DCAF8L2: variants seen among roughly 807,000 people sequenced by gnomAD.
The protein encoded by DCAF8L2 is DDB1 and CUL4 associated factor 8 like 2, also known as DDB1- and CUL4-associated factor 8-like protein 2.
For missense variants in DCAF8L2, 430 were observed against 490.7 expected (o/e 0.88, Z 1.17); for synonymous variants, 200 against 190.9 (o/e 1.05, Z -0.39).
At chrX:27,608,698 CT>C (rs773443796) in intron 1 of DCAF8L2, among the ~76,000 whole-genome samples, 32 of 104,733 alleles carry the variant, frequency 3.1e-4, no homozygotes, top group Admixed American at 6.2e-4. Context: ...TCCTGAACAT[CT>C]TTTTTTTTTT....
intron 3 of DCAF8L2, among the ~76,000 whole-genome samples, chrX:27,694,040 T>A (rs761647609): frequency 1.2e-4 from 14 of 112,066 alleles, no homozygotes; most frequent in Non-Finnish European, 9.4e-5. Context: ...CAAAAAAGAA[T>A]GAAATCATGT....
At chrX:27,512,251 G>T in the DCAF8L2 span, among the ~76,000 whole-genome samples, 1 of 111,372 alleles carries the variant, frequency 9.0e-6, no homozygotes, top group South Asian at 3.8e-4. Flanking sequence ...ACCATAGGTG[G>T]CAGAGTGAGA....
rs776325370 is a variant in DCAF8L2, at chrX:27,748,914, A to G, written c.*123A>G. ...CTTTTTGTCTTCTATTTTCCATAAT[A>G]TATGCTGAAAACCGTCTCTTCCATT... is the stretch of plus-strand genomic sequence containing the variant. On this transcript the variant is annotated 3_prime_UTR_variant, in exon 5 of 5. Coordinates refer to ENST00000451261, the MANE Select transcript of DCAF8L2 (RefSeq NM_001353450.2). 2.3e-4 allele frequency: 194 copies of G among 849,972 alleles called. No homozygotes were observed. The highest frequency in any genetic ancestry group is 7.1e-5 in the Non-Finnish European group (45 of 630,225). 70.0% of individuals were successfully genotyped at this position (849,972 alleles called of 1,213,427 possible). A position where few individuals can be genotyped will look rare whatever the true frequency, so the allele number is the denominator to read the frequency against.
At chrX:27,738,831 T>C (rs1382008362) in intron 4 of DCAF8L2, among the ~76,000 whole-genome samples, 1 of 111,923 alleles carries the variant, frequency 8.9e-6, no homozygotes, top group Non-Finnish European at 1.9e-5. Flanking sequence ...TCATTCATAG[T>C]TGATTTCCTT....
intron 4 of DCAF8L2, among the ~76,000 whole-genome samples, chrX:27,731,354 T>C (rs776274312): frequency 3.6e-5 from 4 of 111,013 alleles, no homozygotes; most frequent in African/African-American, 1.3e-4. Context: ...TGAGCCGAGA[T>C]TGCACCACTG....
the DCAF8L2 span, among the ~76,000 whole-genome samples, chrX:27,502,314 C>A: frequency 4.1e-5 from 1 of 24,284 alleles, no homozygotes; most frequent in Non-Finnish European, 7.0e-5. Context: ...GAGTGAAACT[C>A]TGTAAAAAAA....
chrX:27,598,301 G>A (rs1342833727), intron 1 of DCAF8L2, among the ~76,000 whole-genome samples: 2 of 112,404 alleles, frequency 1.8e-5, no homozygotes, highest in Non-Finnish European at 1.9e-5. Flanking sequence ...TAAGTATAAT[G>A]GTCGAAAAAT....
At chrX:27,613,243 T>A (rs1036820587) in intron 1 of DCAF8L2, among the ~76,000 whole-genome samples, 2 of 111,441 alleles carry the variant, frequency 1.8e-5, no homozygotes, top group African/African-American at 6.5e-5. Flanking sequence ...ATGATTTGGC[T>A]CTCTGTTTGT....
chrX:27,721,153 A>C (rs1931889122), intron 4 of DCAF8L2, among the ~76,000 whole-genome samples: 1 of 111,675 alleles, frequency 9.0e-6, no homozygotes, highest in Non-Finnish European at 1.9e-5. Context: ...TTTTTCAATC[A>C]AATTGTAGGC....
chrX:27,618,694 C>T (rs1244366988), intron 1 of DCAF8L2, among the ~76,000 whole-genome samples: 1 of 110,998 alleles, frequency 9.0e-6, no homozygotes, highest in African/African-American at 3.3e-5. Context: ...TTTGAACCCC[C>T]ATGCGCCCTC....
the DCAF8L2 span, among the ~76,000 whole-genome samples, chrX:27,529,618 T>G: frequency 9.0e-6 from 1 of 111,702 alleles, no homozygotes; most frequent in Non-Finnish European, 1.9e-5. Flanking sequence ...GGTTGAAAAG[T>G]CAAGTGATTC....
chrX:27,518,201 A>G, the DCAF8L2 span: 2 of 908,113 alleles, frequency 2.2e-6, no homozygotes, highest in Admixed American at 2.2e-5. Context: ...TTGGCTTCCT[A>G]TGCTGTCCAA....
chrX:27,648,312 A>G (rs1164878661), intron 2 of DCAF8L2, among the ~76,000 whole-genome samples: 1 of 110,545 alleles, frequency 9.0e-6, no homozygotes, highest in Non-Finnish European at 1.9e-5. Flanking sequence ...TATACAAAAT[A>G]ATATTCTATG....
chrX:27,649,853 G>A lies in DCAF8L2; in HGVS notation c.-220+17853G>A, dbSNP rs141137776. On this transcript the variant is annotated intron_variant, in intron 2 of 4. Transcript: ENST00000451261. Reference sequence around the variant, plus strand: ...GTTTTTGTTTGCAATTGCTTTTGAGGACTTAGTCATATATTCTTTCCCAAG... The same window carrying A: ...GTTTTTGTTTGCAATTGCTTTTGAGAACTTAGTCATATATTCTTTCCCAAG... Among the ~76,000 whole-genome samples, 96 of 111,564 alleles carry A rather than the reference G, an allele frequency of 8.6e-4. 1 individual carries two copies. The East Asian group carries it at 0.023, about 27-fold the overall frequency.
chrX:27,631,746 A>G (rs1928299211), intron 1 of DCAF8L2, 133 bp from the exon 2 acceptor site: 2 of 112,136 alleles, frequency 1.8e-5, no homozygotes, highest in African/African-American at 6.5e-5. Context: ...ACTTATCCCT[A>G]CAGTGGTTAT....
At chrX:27,577,930 T>A in the DCAF8L2 span, among the ~76,000 whole-genome samples, 1 of 111,833 alleles carries the variant, frequency 8.9e-6, no homozygotes, top group African/African-American at 3.2e-5. Flanking sequence ...ACATTCCATG[T>A]TCATGGATAG....
chrX:27,483,034 A>C, the DCAF8L2 span, among the ~76,000 whole-genome samples: 3 of 111,807 alleles, frequency 2.7e-5, no homozygotes, highest in Non-Finnish European at 5.6e-5. Flanking sequence ...AATAGCTGTC[A>C]TCTATAAGCT....
chrX:27,480,589 C>T, the DCAF8L2 span, among the ~76,000 whole-genome samples: 1 of 111,748 alleles, frequency 8.9e-6, no homozygotes, highest in Non-Finnish European at 1.9e-5. Flanking sequence ...GCAGCTACTA[C>T]CTTTGTGTTT....
chrX:27,486,071 T>C, the DCAF8L2 span, among the ~76,000 whole-genome samples: 19,575 of 105,731 alleles, frequency 0.19, 1,608 homozygotes, highest in East Asian at 0.36. Context: ...AGTGGCACCA[T>C]CTCGGCTCAC....
Sources: allele counts gnomAD v4.1 joint callset (sites outside exome capture counted in the v4.1 genomes callset), GRCh38; gene constraint gnomAD v4.1.1; transcripts MANE v1.5; gene names NCBI Gene and HGNC (gene_info 2026-07-23, HGNC 2026-07-21).